OXR1: variants seen among roughly 807,000 people sequenced by gnomAD.
The protein encoded by OXR1 is oxidation resistance 1.
OXR1 carries 41 observed loss-of-function variants against 104.6 expected under a neutral mutation model. That is an observed-to-expected ratio of 0.39 (90% CI 0.31 to 0.51). OXR1 has a LOEUF of 0.51. Ranked by LOEUF, OXR1 falls within the 20% of genes least tolerant of loss-of-function variation. The pLI is 0.77. For missense variants in OXR1, 955 were observed against 1,031.9 expected (o/e 0.93, Z 1.02); for synonymous variants, 348 against 348.4 (o/e 1.00, Z 0.01).
At chr8:106,428,220 C>T (rs1157739338) in intron 2 of OXR1, among the ~76,000 whole-genome samples, 1 of 152,288 alleles carries the variant, frequency 6.6e-6, no homozygotes, top group East Asian at 1.9e-4. Context: ...TGTTCTTCCT[C>T]AGCATCCCTG....
At chr8:106,567,556 G>A (rs1817172399) in intron 3 of OXR1, among the ~76,000 whole-genome samples, 1 of 152,102 alleles carries the variant, frequency 6.6e-6, no homozygotes, top group African/African-American at 2.4e-5. Context: ...TACTTTTCTG[G>A]AGTTGGCCTG....
intron 1 of OXR1, among the ~76,000 whole-genome samples, chr8:106,274,329 T>A (rs906148131): frequency 6.6e-6 from 1 of 152,182 alleles, no homozygotes; most frequent in Non-Finnish European, 1.5e-5. Context: ...AGAGCACTTA[T>A]TAGGTAAAAG....
chr8:106,580,763 T>C (rs987172680), intron 3 of OXR1, among the ~76,000 whole-genome samples: 1 of 152,200 alleles, frequency 6.6e-6, no homozygotes, highest in African/African-American at 2.4e-5. Flanking sequence ...ATTATATCTT[T>C]TTCTTTTTTT....
intron 9 of OXR1, among the ~76,000 whole-genome samples, chr8:106,709,563 T>C (rs1831492545): frequency 6.6e-6 from 1 of 151,260 alleles, no homozygotes; most frequent in South Asian, 2.1e-4. Context: ...CTGTTTAAGC[T>C]GATGATGTGG....
At chr8:106,555,636 A>G (rs2130449768) in intron 3 of OXR1, among the ~76,000 whole-genome samples, 1 of 152,206 alleles carries the variant, frequency 6.6e-6, no homozygotes, top group South Asian at 2.1e-4. Flanking sequence ...TTCTGTGCTC[A>G]TTACTAAAGA....
At chr8:106,739,427 A>G (rs1444203110) in intron 12 of OXR1, 31 bp from the exon 13 acceptor site, 1 of 1,593,228 alleles carries the variant, frequency 6.3e-7, no homozygotes, top group Non-Finnish European at 8.6e-7. Flanking sequence ...ACAAGTTTAC[A>G]TTAATGCACT....
chr8:106,627,613 TG>T lies in OXR1; in HGVS notation c.221-51596del, dbSNP rs1386285320. Among the ~76,000 whole-genome samples the T allele has an allele frequency of 3.3e-5, 5 of 152,260 alleles. No individual in the cohort carries two copies. The East Asian group carries it at 9.7e-4, about 29-fold the overall frequency. On this transcript the variant is annotated intron_variant, in intron 3 of 16. Coordinates refer to ENST00000517566, the MANE Select transcript of OXR1 (RefSeq NM_001198533.2). ...AAATTAAGCTACCGAACTACCCAAA[TG>T]TTTTTAGGGAATCTTTCTACTTCTT...
intron 1 of OXR1, among the ~76,000 whole-genome samples, chr8:106,329,983 T>C (rs908991063): frequency 7.2e-5 from 11 of 152,134 alleles, no homozygotes; most frequent in African/African-American, 2.4e-4. Flanking sequence ...ATGTTGGCTA[T>C]TCTCTGACCC....
intron 3 of OXR1, among the ~76,000 whole-genome samples, chr8:106,550,991 A>G (rs1815757159): frequency 6.6e-6 from 1 of 152,194 alleles, no homozygotes; most frequent in South Asian, 2.1e-4. Context: ...CTGAGAGCTT[A>G]TTAATGTTCT....
chr8:106,694,643 ATATATATTTG>A (rs1221779953), intron 7 of OXR1, among the ~76,000 whole-genome samples: 43 of 31,366 alleles, frequency 1.4e-3, no homozygotes, highest in African/African-American at 9.4e-3. Flanking sequence ...ATATATGTTT[ATATATATTTG>A]ATATATAAAT....
chr8:106,359,629 C>A lies in OXR1; in HGVS notation c.16C>A (p.Leu6Ile). Reference protein sequence around the residue: MSVSNLSWLKKKSQSV... With the variant: MSVSNISWLKKKSQSV... ...AGTTGCTGCAATGTCTGTGTCTAATCTATCATGGTGAGTGAATGGTTTTCT... is the reference window on the plus strand; with the variant it reads ...AGTTGCTGCAATGTCTGTGTCTAATATATCATGGTGAGTGAATGGTTTTCT... The change falls in exon 2 of 17, where the codon CTA becomes ATA. Residue 6 changes from leucine (L) to isoleucine (I), a missense_variant. Physicochemically the swap from Leu to Ile is conservative, Grantham distance 5. Transcript: ENST00000517566. 6.5e-7 allele frequency: 1 copy of A among 1,547,444 alleles called. No homozygotes were observed. Among genetic ancestry groups the A allele is most frequent in the Non-Finnish European group, 8.7e-7 (1 of 1,142,930 alleles).
chr8:106,621,659 G>C (rs1407240728), intron 3 of OXR1, among the ~76,000 whole-genome samples: 5 of 152,010 alleles, frequency 3.3e-5, no homozygotes, highest in African/African-American at 7.3e-5. Context: ...AATATATTTA[G>C]TATATGTGTT....
intron 2 of OXR1, among the ~76,000 whole-genome samples, chr8:106,376,801 A>G (rs1011285164): frequency 6.6e-6 from 1 of 152,228 alleles, no homozygotes; most frequent in African/African-American, 2.4e-5. Flanking sequence ...CAAACCATGT[A>G]TCCCGTCAAC....
At chr8:106,338,852 C>T (rs1180505465) in intron 1 of OXR1, among the ~76,000 whole-genome samples, 1 of 152,060 alleles carries the variant, frequency 6.6e-6, no homozygotes, top group East Asian at 1.9e-4. Context: ...TTCTCTCTCT[C>T]TCTGTAACTC....
At chr8:106,471,374 A>T (rs936364068) in intron 2 of OXR1, among the ~76,000 whole-genome samples, 2 of 151,774 alleles carry the variant, frequency 1.3e-5, no homozygotes, top group Admixed American at 1.3e-4. Context: ...AACCTTTTGT[A>T]GCAGCCCATT....
intron 2 of OXR1, among the ~76,000 whole-genome samples, chr8:106,397,558 A>T (rs963772589): frequency 6.6e-6 from 1 of 152,090 alleles, no homozygotes; most frequent in African/African-American, 2.4e-5. Context: ...GCAGAAGATG[A>T]TTATACTCTT....
At chr8:106,570,530 G>A (rs1817397832) in intron 3 of OXR1, among the ~76,000 whole-genome samples, 1 of 152,146 alleles carries the variant, frequency 6.6e-6, no homozygotes, top group African/African-American at 2.4e-5. Context: ...TAAATAATAA[G>A]AGAAGTTCAC....
intron 3 of OXR1, among the ~76,000 whole-genome samples, chr8:106,579,902 A>G (rs1051391583): frequency 3.3e-5 from 5 of 150,738 alleles, no homozygotes; most frequent in African/African-American, 1.2e-4. Flanking sequence ...TGCTTTTATC[A>G]TCCTAGGCTC....
chr8:106,595,803 C>A (rs889034707), intron 3 of OXR1, among the ~76,000 whole-genome samples: 2 of 152,092 alleles, frequency 1.3e-5, no homozygotes, highest in African/African-American at 4.8e-5. Flanking sequence ...TATTCAAATT[C>A]TCAAAACTTG....
Sources: gnomAD v4.1 joint callset for allele counts (sites outside exome capture counted in the v4.1 genomes callset) on GRCh38, gnomAD v4.1.1 for gene constraint, MANE v1.5 for transcripts, NCBI Gene and HGNC (gene_info 2026-07-23, HGNC 2026-07-21) for gene names.